Variants in TAOK3 observed in about 807,000 individuals in gnomAD.
TAOK3 encodes the protein serine/threonine-protein kinase TAO3.
In TAOK3, 40 loss-of-function variants were observed where a neutral mutation model predicts 120.4. The ratio of observed to expected loss-of-function variants is 0.33; its 90% CI spans 0.26 to 0.43. The LOEUF is 0.43. TAOK3 is among the 20% of genes least tolerant of loss of function. The pLI, the probability that TAOK3 is intolerant of heterozygous loss-of-function variation, is 1.00. For synonymous variants in TAOK3, 355 were observed against 387.5 expected (o/e 0.92, Z 0.99); for missense variants, 821 against 1,112.1 (o/e 0.74, Z 3.72).
At chr12:118,259,480 C>A (rs1029050943) in intron 2 of TAOK3, among the ~76,000 whole-genome samples, 17 of 152,062 alleles carry the variant, frequency 1.1e-4, no homozygotes, top group African/African-American at 4.1e-4. Context: ...ATCAAGGATG[C>A]AGTGAGTCAA....
At chr12:118,336,878 C>T (rs2044389717) in intron 1 of TAOK3, among the ~76,000 whole-genome samples, 1 of 152,170 alleles carries the variant, frequency 6.6e-6, no homozygotes, top group African/African-American at 2.4e-5. Flanking sequence ...TCATGACCAG[C>T]CTGGCCAACA....
At position 118,214,027 on chromosome 12, in the gene TAOK3, A is replaced by C. The variant is rs746821536; in HGVS notation, c.727T>G (p.Ser243Ala). The C allele has an allele frequency of 6.2e-7, 1 of 1,610,924 alleles. No homozygotes were observed. The highest frequency in any genetic ancestry group is 1.3e-5 in the African/African-American group (1 of 74,650). The change falls in exon 10 of 21, where the codon TCT becomes GCT. Residue 243 changes from serine (S) to alanine (A), a missense_variant. Coordinates refer to ENST00000392533, the MANE Select transcript of TAOK3 (RefSeq NM_016281.4). Reference protein sequence around the residue: ...IAQNDSPTLQSNEWTDSFRRF... With the variant: ...IAQNDSPTLQANEWTDSFRRF... ...ATAGCAGAGTCTTACCATTCATTAG[A>C]CTGTAACGTTGGGGAGTCATTCTGG...
intron 10 of TAOK3, 41 bp downstream of exon 10, chr12:118,213,976 G>A (rs758400128): frequency 1.3e-5 from 20 of 1,500,906 alleles, no homozygotes; most frequent in South Asian, 1.2e-4. Flanking sequence ...AAATACATAC[G>A]GTGATTTTCT....
intron 13 of TAOK3, among the ~76,000 whole-genome samples, chr12:118,192,271 G>T (rs2037473854): frequency 6.6e-6 from 1 of 152,124 alleles, no homozygotes; most frequent in Non-Finnish European, 1.5e-5. Context: ...TGACACATAT[G>T]TAATTAAGTA....
chr12:118,318,043 G>A (rs1200451634), intron 1 of TAOK3, among the ~76,000 whole-genome samples: 2 of 152,060 alleles, frequency 1.3e-5, no homozygotes, highest in African/African-American at 4.8e-5. Context: ...AAATGGTACT[G>A]GGATAACTGG....
chr12:118,199,071 A>C lies in TAOK3; in HGVS notation c.1174T>G (p.Ser392Ala). ...CCTACTTTCTTATGCACGACGGAGG[A>C]GCTGGAATTGATTGTGCTTTCGTCA... ...HDDESTINSSSSVVHKKDHVF... is the reference protein window; with the variant it reads ...HDDESTINSSASVVHKKDHVF... Residue 392 changes from serine to alanine, a missense_variant, in exon 13 of 21, where the codon TCC becomes GCC. Around this residue, in one of 2 missense-constraint regions of TAOK3, gnomAD observed 467 missense variants for 540.0 expected, o/e 0.86. Transcript: ENST00000392533. The C allele has an allele frequency of 6.2e-7, 1 of 1,614,132 alleles. No homozygotes were observed. The highest frequency in any genetic ancestry group is 1.1e-5 in the South Asian group (1 of 91,076).
chr12:118,292,528 A>AT (rs1384927629), intron 1 of TAOK3, among the ~76,000 whole-genome samples: 2 of 152,174 alleles, frequency 1.3e-5, no homozygotes, highest in African/African-American at 4.8e-5. Flanking sequence ...CCTTAACACT[A>AT]TGAAAGAGTT....
At chr12:118,345,692 GA>G (rs147776308) in intron 1 of TAOK3, among the ~76,000 whole-genome samples, 176 of 145,354 alleles carry the variant, frequency 1.2e-3, no homozygotes, top group African/African-American at 4.0e-3. Context: ...CATCCTGCTT[GA>G]AAAAAAAAAA....
At chr12:118,223,062 C>CTTTTTTT (rs75334511) in intron 9 of TAOK3, among the ~76,000 whole-genome samples, 39 of 120,078 alleles carry the variant, frequency 3.2e-4, no homozygotes, top group African/African-American at 7.4e-4. Context: ...TTCTTTCTTT[C>CTTTTTTT]TTTTTTTTTT....
intron 1 of TAOK3, among the ~76,000 whole-genome samples, chr12:118,323,259 A>T (rs1419222582): frequency 6.6e-6 from 1 of 152,184 alleles, no homozygotes; most frequent in Non-Finnish European, 1.5e-5. Context: ...TCAATGAAAC[A>T]ACAGGGTCTC....
chr12:118,328,119 T>C (rs1163975844), intron 1 of TAOK3, among the ~76,000 whole-genome samples: 1 of 151,856 alleles, frequency 6.6e-6, no homozygotes, highest in Admixed American at 6.6e-5. Context: ...AGTGGTGCGA[T>C]TTTGGCTCAC....
intron 1 of TAOK3, among the ~76,000 whole-genome samples, chr12:118,352,030 C>T (rs371607108): frequency 1.1e-4 from 17 of 151,564 alleles, no homozygotes; most frequent in South Asian, 8.3e-4. Flanking sequence ...CCCGCCACCG[C>T]GCCTGGCTAA....
rs185256668 is a variant in TAOK3, at chr12:118,200,915, C to A, written c.987+381G>T. Reference sequence around the variant, plus strand: ...GCATGGACTATTAGCCAGGATGTTGCCCATTCAAATCCATGTTACACTCTG... The same window carrying A: ...GCATGGACTATTAGCCAGGATGTTGACCATTCAAATCCATGTTACACTCTG... On this transcript the variant is annotated intron_variant, in intron 12 of 20. Transcript: ENST00000392533. The A allele has an allele frequency of 1.6e-3, 256 of 159,392 alleles. 5 individuals carry two copies. The highest frequency in any genetic ancestry group is 2.6e-4 in the Non-Finnish European group (19 of 72,508). The allele number at this position is 159,392 out of a possible 1,614,324, so 9.9% of individuals were successfully genotyped here. A position where few individuals can be genotyped will look rare whatever the true frequency, so the allele number is the denominator to read the frequency against.
At chr12:118,195,105 A>C (rs1050339567) in intron 13 of TAOK3, among the ~76,000 whole-genome samples, 1 of 152,118 alleles carries the variant, frequency 6.6e-6, no homozygotes. Flanking sequence ...TTATAGAATG[A>C]AGTGTTGTCC....
chr12:118,248,418 A>G (rs1367735513), intron 3 of TAOK3, among the ~76,000 whole-genome samples: 1 of 152,168 alleles, frequency 6.6e-6, no homozygotes, highest in Non-Finnish European at 1.5e-5. Context: ...TCTGGCTTTT[A>G]AACTTTAACA....
chr12:118,237,685 AT>A (rs2040072393), intron 7 of TAOK3, among the ~76,000 whole-genome samples: 1 of 152,208 alleles, frequency 6.6e-6, no homozygotes, highest in Admixed American at 6.5e-5. Flanking sequence ...GCATATATTT[AT>A]ATAAGACTAG....
intron 1 of TAOK3, among the ~76,000 whole-genome samples, chr12:118,309,069 C>T (rs930191584): frequency 2.6e-5 from 4 of 151,826 alleles, no homozygotes; most frequent in Non-Finnish European, 4.4e-5. Flanking sequence ...TGGCTCACGC[C>T]TGTAATCCCA....
intron 1 of TAOK3, among the ~76,000 whole-genome samples, chr12:118,281,406 C>T (rs1277989612): frequency 6.6e-6 from 1 of 152,108 alleles, no homozygotes; most frequent in Non-Finnish European, 1.5e-5. Context: ...CTATGGACAC[C>T]TTCTCAGAAT....
rs969712381 is a variant in TAOK3 at position 118,246,500 on chromosome 12, G to A, written c.121-1535C>T. The A allele has an allele frequency of 9.6e-6, 15 of 1,561,594 alleles. No individual in the cohort carries two copies. The Admixed American group carries it at 2.4e-4, about 25-fold the overall frequency. On this transcript the variant is annotated intron_variant, in intron 3 of 20. Coordinates refer to ENST00000392533, the MANE Select transcript of TAOK3 (RefSeq NM_016281.4). Reference sequence around the variant, plus strand: ...GGGACTACAATGGCCACGTCGGTCTGGGTGTTAAGTGCTCCAAGGAGGTGG... The same window carrying A: ...GGGACTACAATGGCCACGTCGGTCTAGGTGTTAAGTGCTCCAAGGAGGTGG...
Sources: allele counts gnomAD v4.1 joint callset (sites outside exome capture counted in the v4.1 genomes callset), GRCh38; gene constraint gnomAD v4.1.1; regional missense constraint gnomAD v4.1.1; transcripts MANE v1.5; gene names NCBI Gene and HGNC (gene_info 2026-07-23, HGNC 2026-07-21).